The following C11orf98 variants were observed in gnomAD, a reference collection of about 807,000 sequenced individuals.
C11orf98 encodes 28S rRNA/ribosome and sororin micro-cofactor.
A neutral mutation model predicts 10.9 loss-of-function variants in C11orf98; 7 were observed. The observed-to-expected ratio is 0.64, with a 90% confidence interval of 0.37 to 1.21. The LOEUF is 1.21. Among genes scored for constraint, C11orf98 ranks in the 50% most tolerant of loss-of-function variants. The probability of loss-of-function intolerance (pLI) is 0.02; values close to 1 mark genes in which losing one functional copy is unlikely to be tolerated. For missense variants in C11orf98, 181 were observed against 153.7 expected (o/e 1.18, Z -0.94); for synonymous variants, 70 against 57.2 (o/e 1.22, Z -1.01).
intron 2 of C11orf98, among the ~76,000 whole-genome samples, chr11:62,663,750 A>G (rs949408870): frequency 8.0e-5 from 12 of 150,910 alleles, no homozygotes; most frequent in Non-Finnish European, 1.6e-4. Context: ...AGTAATAGAA[A>G]CCCTAAATAT....
chr11:62,663,388 A>C lies in C11orf98; in HGVS notation c.165-55T>G, dbSNP rs945526122. 1.9e-6 allele frequency: 3 copies of C among 1,549,556 alleles called. No homozygotes were observed. The Admixed American group carries it at 5.3e-5, about 27-fold the overall frequency. ...AGGTTAACCTGAACCAACTGAGGTCACACAAATAGTTCTGGCTATAGAAAA... is the reference window on the plus strand; with the variant it reads ...AGGTTAACCTGAACCAACTGAGGTCCCACAAATAGTTCTGGCTATAGAAAA... On this transcript the variant is annotated intron_variant, in intron 2 of 3. Coordinates refer to ENST00000524958, the MANE Select transcript of C11orf98 (RefSeq NM_001286086.2).
intron 2 of C11orf98, among the ~76,000 whole-genome samples, chr11:62,663,847 C>T (rs1429479832): frequency 6.6e-5 from 10 of 151,294 alleles, no homozygotes; most frequent in African/African-American, 1.9e-4. Flanking sequence ...CTGAGGTGGG[C>T]GGATCACCTG....
At chr11:62,664,250 TAA>T (rs893957454) in intron 2 of C11orf98, among the ~76,000 whole-genome samples, 2 of 151,342 alleles carry the variant, frequency 1.3e-5, no homozygotes, top group African/African-American at 4.9e-5. Context: ...TATGTAAAAA[TAA>T]GTTTACTTAT....
chr11:62,663,567 G>A (rs966479621), intron 2 of C11orf98, among the ~76,000 whole-genome samples: 2 of 151,838 alleles, frequency 1.3e-5, no homozygotes, highest in African/African-American at 4.8e-5. Flanking sequence ...AGTGGCGGGC[G>A]CCTGTAGTCC....
chr11:62,663,494 CAGG>C (rs1565124379), intron 2 of C11orf98, among the ~76,000 whole-genome samples, 161 bp from the exon 3 acceptor site: 1 of 151,948 alleles, frequency 6.6e-6, no homozygotes. Flanking sequence ...ATCACGAGGT[CAGG>C]AGATCGAGAC....
At chr11:62,663,485 T>C (rs1944708430) in intron 2 of C11orf98, 152 bp from the exon 3 acceptor site, 1 of 700,136 alleles carries the variant, frequency 1.4e-6, no homozygotes, top group Non-Finnish European at 2.3e-6. Context: ...GGCGGCTGGA[T>C]CACGAGGTCA....
chr11:62,664,749 G>T, intron 2 of C11orf98, 100 bp downstream of exon 2: 1 of 1,445,364 alleles, frequency 6.9e-7, no homozygotes, highest in Non-Finnish European at 9.4e-7. Context: ...ATAAGCGTCA[G>T]TGCACAAGGT....
intron 2 of C11orf98, among the ~76,000 whole-genome samples, chr11:62,664,072 CAA>C (rs1271137635): frequency 8.8e-4 from 46 of 52,370 alleles, no homozygotes; most frequent in African/African-American, 3.5e-3. Flanking sequence ...GACTCTGTCT[CAA>C]AAAAGAGGAA....
chr11:62,665,015 C>T (rs376585954), intron 1 of C11orf98, 42 bp from the exon 2 acceptor site: 2 of 1,602,272 alleles, frequency 1.2e-6, no homozygotes, highest in African/African-American at 1.3e-5. Flanking sequence ...GTGGGCTCGC[C>T]GCGACCCGGG....
intron 1 of C11orf98, 42 bp from the exon 2 acceptor site, chr11:62,665,015 C>G: frequency 6.2e-7 from 1 of 1,602,390 alleles, no homozygotes; most frequent in Non-Finnish European, 8.5e-7. Context: ...GTGGGCTCGC[C>G]GCGACCCGGG....
intron 2 of C11orf98, among the ~76,000 whole-genome samples, chr11:62,663,620 GA>G (rs1944712678): frequency 6.7e-6 from 1 of 150,090 alleles, no homozygotes; most frequent in Non-Finnish European, 1.5e-5. Flanking sequence ...CGTGAACCCA[GA>G]AGGCGGAGCT....
At chr11:62,663,800 C>T (rs756589116) in intron 2 of C11orf98, among the ~76,000 whole-genome samples, 5 of 151,172 alleles carry the variant, frequency 3.3e-5, no homozygotes, top group African/African-American at 7.3e-5. Context: ...AGATCGGGGG[C>T]GGTGGCTTAT....
chr11:62,663,187 T>G (rs597259), intron 3 of C11orf98, 28 bp from the exon 4 acceptor site: 135 of 1,613,774 alleles, frequency 8.4e-5, no homozygotes, highest in South Asian at 5.5e-5. Flanking sequence ...GGAAGTATTA[T>G]CCCAAATAAA....
chr11:62,664,880 G>T lies in C11orf98; in HGVS notation c.133C>A (p.Leu45Met). The T allele has an allele frequency of 6.3e-7, 1 of 1,584,180 alleles. No homozygotes were observed. The change falls in exon 2 of 4, where the codon CTG (leucine) becomes ATG (methionine). Residue 45 changes from leucine (L) to methionine (M), a missense_variant. Physicochemically the swap from Leu to Met is conservative, Grantham distance 15. Transcript: ENST00000524958. ...TTCTTGAGGTGGTGCCGCGTGATCA[G>T]CCCTTGGTCTATCACAGCCCCGACC... ...RVVGAVIDQG[L>M]ITRHHLKKRA...
Position 62,663,242 on chromosome 11 carries a change from T to C in C11orf98, c.256A>G (p.Met86Val), listed in dbSNP as rs1944701243. The C allele has an allele frequency of 6.2e-7, 1 of 1,614,140 alleles. No homozygotes were observed. ...IRLAQKEKTA[M>V]EVEAPSKPAR... ...ACCTCTGTCCCAGCCTCACCTTCCA[T>C]GGCTGTCTTCTCTTTCTGGGCAAGC... The change falls in exon 3 of 4, where the codon ATG becomes GTG. Residue 86 changes from methionine to valine, a missense_variant. Physicochemically the swap from Met to Val is conservative, Grantham distance 21. Transcript: ENST00000524958.
At chr11:62,664,556 C>T (rs971298501) in intron 2 of C11orf98, among the ~76,000 whole-genome samples, 1 of 152,084 alleles carries the variant, frequency 6.6e-6, no homozygotes, top group African/African-American at 2.4e-5. Flanking sequence ...GTCTCGAACT[C>T]CCGACCTCAG....
At chr11:62,663,910 T>C (rs1014657988) in intron 2 of C11orf98, among the ~76,000 whole-genome samples, 4 of 148,408 alleles carry the variant, frequency 2.7e-5, no homozygotes, top group African/African-American at 7.4e-5. Context: ...CCGTCTCTAC[T>C]AAAAATACAA....
rs1944759553 is a variant in C11orf98 at position 62,665,144 on chromosome 11, T to G, written c.26A>C (p.Asn9Thr). The G allele has an allele frequency of 1.0e-6, 1 of 1,002,292 alleles. No homozygotes were observed. The highest frequency in any genetic ancestry group is 1.4e-5 in the South Asian group (1 of 73,372). 62.1% of individuals were successfully genotyped at this position (1,002,292 alleles called of 1,614,324 possible). MGAPGGKI[N>T]RPRTELKKKL... ...CCACACAGTCACCGTTCGGGGCCGG[T>G]TGATCTTTCCCCCCGGAGCTCCCAT... The change falls in exon 1 of 4, where the codon AAC (asparagine) becomes ACC (threonine). Residue 9 changes from asparagine (N) to threonine (T), a missense_variant. Asn to Thr is a moderately conservative substitution (Grantham distance 65). Transcript: ENST00000524958.
chr11:62,662,999 C>G lies in C11orf98; in HGVS notation c.*51G>C. The G allele has an allele frequency of 7.1e-7, 1 of 1,402,130 alleles. No individual in the cohort carries two copies. The highest frequency in any genetic ancestry group is 9.9e-7 in the Non-Finnish European group (1 of 1,009,710). The allele number at this position is 1,402,130 out of a possible 1,614,324, so 86.9% of individuals were successfully genotyped here. On this transcript the variant is annotated 3_prime_UTR_variant, in exon 4 of 4. Transcript: ENST00000524958. ...CTTTTGTCAAAGTCCTCTGAAACAA[C>G]CACTGAGTCTGAAGGCTGGCTCCAG...
Sources: gnomAD v4.1 joint callset for allele counts (sites outside exome capture counted in the v4.1 genomes callset) on GRCh38, gnomAD v4.1.1 for gene constraint, MANE v1.5 for transcripts, NCBI Gene and HGNC (gene_info 2026-07-23, HGNC 2026-07-21) for gene names.